Variants in UHRF1 observed in about 807,000 individuals in gnomAD.
UHRF1 encodes E3 ubiquitin-protein ligase UHRF1.
UHRF1 carries 9 observed loss-of-function variants against 96.5 expected under a neutral mutation model. The observed-to-expected ratio is 0.09, with a 90% CI of 0.06 to 0.16. The LOEUF is 0.16. Ranked by LOEUF, UHRF1 falls within the 10% of genes least tolerant of loss-of-function variation. UHRF1 has a pLI of 1.00. For missense variants in UHRF1, 626 were observed against 1,131.1 expected, an observed-to-expected ratio of 0.55 and a Z score of 6.40; for synonymous variants, 455 against 469.9, an observed-to-expected ratio of 0.97 and a Z score of 0.41.
At chr19:4,910,853 GT>G in intron 1 of UHRF1, 22 bp from the exon 2 acceptor site, 5 of 1,583,492 alleles carry the variant, frequency 3.2e-6, no homozygotes, top group South Asian at 2.3e-5. Flanking sequence ...ACTGATGGGG[GT>G]TTTTGCTGTC....
chr19:4,918,181 G>A (rs758103426), intron 2 of UHRF1, among the ~76,000 whole-genome samples: 20 of 151,716 alleles, frequency 1.3e-4, no homozygotes, highest in Admixed American at 3.3e-4. Context: ...GTGCAGTGGC[G>A]TGATCTTGGC....
chr19:4,924,826 G>T (rs2032816534), intron 2 of UHRF1, among the ~76,000 whole-genome samples: 5 of 127,298 alleles, frequency 3.9e-5, no homozygotes, highest in Admixed American at 3.9e-4. Flanking sequence ...TTGGTGTTAA[G>T]TTTTTTTTTT....
chr19:4,909,844 A>C, intron 1 of UHRF1, 189 bp downstream of exon 1: 1 of 395,656 alleles, frequency 2.5e-6, no homozygotes, highest in Non-Finnish European at 4.5e-6. Flanking sequence ...TGGAGCCGGG[A>C]CCAGCGCTGC....
rs373586512 is a variant in UHRF1 at position 4,919,209 on chromosome 19, A to T, written c.153+8171A>T. On this transcript the variant is annotated intron_variant, in intron 2 of 16. Coordinates refer to ENST00000650932, the MANE Select transcript of UHRF1 (RefSeq NM_001048201.3). ...TGGGTTTTGCCATGTTGCCCAGGTG[A>T]TCTTCAACTCCTGGACTCAAGTGAT... Among the ~76,000 whole-genome samples, 79 of 151,458 alleles carry T rather than the reference A, an allele frequency of 5.2e-4. No homozygotes were observed. The East Asian group carries it at 0.01, about 20-fold the overall frequency.
chr19:4,906,899 A>G (rs531574200), upstream of UHRF1, among the ~76,000 whole-genome samples: 18 of 152,366 alleles, frequency 1.2e-4, no homozygotes, highest in African/African-American at 4.3e-4. Flanking sequence ...GGAAGAGCTC[A>G]AGCCGTCTCA....
chr19:4,915,715 A>G (rs982669265), intron 2 of UHRF1, among the ~76,000 whole-genome samples: 5 of 152,166 alleles, frequency 3.3e-5, no homozygotes, highest in African/African-American at 1.2e-4. Context: ...GTCTCAAAAA[A>G]AAAGCAAAAC....
intron 2 of UHRF1, among the ~76,000 whole-genome samples, chr19:4,914,871 G>A (rs978179075): frequency 2.0e-5 from 3 of 152,104 alleles, no homozygotes; most frequent in Non-Finnish European, 4.4e-5. Context: ...TTTGAAGGGC[G>A]GAGTGAGCCC....
intron 2 of UHRF1, among the ~76,000 whole-genome samples, chr19:4,924,510 C>CA (rs1430495133): frequency 2.0e-5 from 3 of 152,138 alleles, no homozygotes; most frequent in African/African-American, 7.2e-5. Flanking sequence ...TCTCGAACTC[C>CA]TGGCCTCAAG....
chr19:4,960,780 C>G lies in UHRF1; in HGVS notation c.2359C>G (p.Pro787Ala). Residue 787 changes from proline to alanine, a missense_variant, in exon 17 of 17, where the codon CCC (proline) becomes GCC (alanine). This residue lies in a region of UHRF1 where 84 missense variants were observed against 150.3 expected (regional missense o/e 0.56). Transcript: ENST00000650932. ...GCAGACCGTCCTCAACCAGCTCTTC[C>G]CCGGCTACGGCAATGGCCGGTGATC... is the stretch of plus-strand genomic sequence containing the variant. Reference protein sequence around the residue: ...PLQTVLNQLFPGYGNGR With the variant: ...PLQTVLNQLFAGYGNGR The G allele has an allele frequency of 6.4e-7, 1 of 1,571,204 alleles. No homozygotes were observed.
rs2033492370 is a variant in UHRF1, at chr19:4,944,147, C to T, written c.1089C>T (p.Cys363=). 3.1e-6 allele frequency: 5 copies of T among 1,613,768 alleles called. No individual in the cohort carries two copies. In the African/African-American group the frequency reaches 5.3e-5, roughly 17 times the overall value. Residue 363 remains cysteine (C), a synonymous_variant, in exon 8 of 17, where the codon TGC becomes TGT. Transcript: ENST00000650932. ...PSEDEWYCPE[C]RNDASEVVLA... Reference sequence around the variant, plus strand: ...GACCTCGCAGGTACTGCCCTGAGTGCCGGAATGATGCCAGCGAGGTGGTAC... The same window carrying T: ...GACCTCGCAGGTACTGCCCTGAGTGTCGGAATGATGCCAGCGAGGTGGTAC...
intron 7 of UHRF1, 96 bp downstream of exon 7, chr19:4,942,027 G>A: frequency 7.7e-7 from 1 of 1,292,192 alleles, no homozygotes; most frequent in Non-Finnish European, 1.0e-6. Flanking sequence ...CAGGCGCGGG[G>A]GCTCACGCCT....
chr19:4,942,862 C>T (rs993463194), intron 7 of UHRF1, among the ~76,000 whole-genome samples: 1 of 152,032 alleles, frequency 6.6e-6, no homozygotes, highest in African/African-American at 2.4e-5. Context: ...CGCTGGAGCC[C>T]AGGAGGTCGA....
intron 11 of UHRF1, among the ~76,000 whole-genome samples, chr19:4,949,441 T>C (rs920113917): frequency 3.3e-5 from 5 of 151,674 alleles, no homozygotes; most frequent in African/African-American, 4.9e-5. Flanking sequence ...TGTAATGTTT[T>C]TCATACCATT....
At chr19:4,904,396 G>T (rs1374014879) in intron 1 of UHRF1, among the ~76,000 whole-genome samples, 1 of 152,092 alleles carries the variant, frequency 6.6e-6, no homozygotes, top group Non-Finnish European at 1.5e-5. Context: ...AGCCAGGATG[G>T]TCTCAATCTC....
rs985069179 is a variant in UHRF1, at chr19:4,947,490, CTTTTTTTTTTTTTT to C, written c.1517+295_1517+308del. 6.5e-3 allele frequency among the ~76,000 whole-genome samples: 379 copies of C among 57,910 alleles called. 8 individuals are homozygous for C. The highest frequency in any genetic ancestry group is 0.024 in the African/African-American group (362 of 14,990). 38.0% of individuals were successfully genotyped at this position (57,910 alleles called of 152,430 possible). On this transcript the variant is annotated intron_variant, in intron 11 of 16. Coordinates refer to ENST00000650932, the MANE Select transcript of UHRF1 (RefSeq NM_001048201.3). ...CTATAAAAGGCCAGATAATAGATAT[CTTTTTTTTTTTTTT>C]TTTTTTTTTTTTTTTGGGCAGAGTC...
intron 1 of UHRF1, 117 bp downstream of exon 1, chr19:4,909,772 C>T (rs1435649427): frequency 1.3e-5 from 6 of 467,032 alleles, no homozygotes; most frequent in Admixed American, 4.4e-5. Context: ...CACTCTGTCC[C>T]GGGATCCAGG....
chr19:4,912,272 C>T (rs1314398354), intron 2 of UHRF1, among the ~76,000 whole-genome samples: 1 of 152,182 alleles, frequency 6.6e-6, no homozygotes, highest in African/African-American at 2.4e-5. Context: ...GCGCTCTCTT[C>T]CTCCCTCCTC....
upstream of UHRF1, chr19:4,909,341 C>A: frequency 1.7e-6 from 1 of 590,110 alleles, no homozygotes; most frequent in Non-Finnish European, 3.0e-6. Flanking sequence ...AGCCGTGGCC[C>A]ACTAGGCGGA....
At chr19:4,958,287 C>T (rs960457141) in intron 16 of UHRF1, among the ~76,000 whole-genome samples, 1 of 152,230 alleles carries the variant, frequency 6.6e-6, no homozygotes, top group South Asian at 2.1e-4. Context: ...CGTGCAGGCA[C>T]TAATCCCTCC....
Sources: allele counts gnomAD v4.1 joint callset (sites outside exome capture counted in the v4.1 genomes callset), GRCh38; gene constraint gnomAD v4.1.1; regional missense constraint gnomAD v4.1.1; transcripts MANE v1.5; gene names NCBI Gene and HGNC (gene_info 2026-07-23, HGNC 2026-07-21).